Variants in NKAIN2 observed in about 807,000 individuals in gnomAD.
NKAIN2 encodes the protein sodium/potassium-transporting ATPase subunit beta-1-interacting protein 2.
Under a neutral mutation model 32.6 loss-of-function variants are expected in NKAIN2, and 14 were observed. The observed-to-expected ratio is 0.43, with a 90% confidence interval of 0.28 to 0.67. NKAIN2 has a LOEUF of 0.67. NKAIN2 is among the 30% of genes least tolerant of loss of function. The pLI, the probability that NKAIN2 is intolerant of heterozygous loss-of-function variation, is 0.17. For missense variants in NKAIN2, 198 were observed against 258.3 expected (o/e 0.77, Z 1.60); for synonymous variants, 80 against 87.2 (o/e 0.92, Z 0.46).
chr6:124,462,716 G>C (rs562794358), intron 3 of NKAIN2, among the ~76,000 whole-genome samples: 2 of 151,748 alleles, frequency 1.3e-5, no homozygotes, highest in African/African-American at 2.4e-5. Flanking sequence ...GCTTATTCAG[G>C]ACTCTAGAGA....
chr6:124,495,430 G>A (rs1287256747), intron 3 of NKAIN2, among the ~76,000 whole-genome samples: 1 of 151,790 alleles, frequency 6.6e-6, no homozygotes, highest in Non-Finnish European at 1.5e-5. Context: ...ACCATCCCAG[G>A]CCTAAGGGCA....
At chr6:124,018,832 C>T (rs1040614335) in intron 1 of NKAIN2, among the ~76,000 whole-genome samples, 2 of 152,106 alleles carry the variant, frequency 1.3e-5, no homozygotes, top group Non-Finnish European at 2.9e-5. Flanking sequence ...TCCAAAGTTG[C>T]TTCATATTTT....
intron 1 of NKAIN2, among the ~76,000 whole-genome samples, chr6:124,008,037 G>C (rs1780153024): frequency 6.6e-6 from 1 of 152,146 alleles, no homozygotes; most frequent in Admixed American, 6.5e-5. Context: ...GTCCTGTTTA[G>C]AGCCTACAGC....
At chr6:124,738,741 T>C (rs543837172) in intron 4 of NKAIN2, among the ~76,000 whole-genome samples, 2 of 151,942 alleles carry the variant, frequency 1.3e-5, no homozygotes, top group Admixed American at 1.3e-4. Flanking sequence ...GTTCTGAGAG[T>C]CATTTGGGGA....
chr6:124,253,573 TGTG>T lies in NKAIN2; in HGVS notation c.55-29428_55-29426del, dbSNP rs1329953038. Among the ~76,000 whole-genome samples, 10 of 152,332 alleles carry T rather than the reference TGTG, an allele frequency of 6.6e-5. No homozygotes were observed. In the South Asian group the frequency reaches 2.1e-3, roughly 32 times the overall value. On this transcript the variant is annotated intron_variant, in intron 1 of 6. Transcript: ENST00000368417. ...CCTAGTCCAATAGGACTCTCTTTCTTGTGGTGACATATGTGTGTGTAAGTGTTC... is the reference window on the plus strand; with the variant it reads ...CCTAGTCCAATAGGACTCTCTTTCTTGTGACATATGTGTGTGTAAGTGTTC...
chr6:124,511,041 C>T (rs1778691348), intron 3 of NKAIN2, among the ~76,000 whole-genome samples: 1 of 152,042 alleles, frequency 6.6e-6, no homozygotes, highest in Admixed American at 6.6e-5. Flanking sequence ...TAACTATGTG[C>T]TACCCAGGAC....
At chr6:124,449,066 A>G (rs1226889752) in intron 3 of NKAIN2, among the ~76,000 whole-genome samples, 1 of 152,138 alleles carries the variant, frequency 6.6e-6, no homozygotes, top group Non-Finnish European at 1.5e-5. Flanking sequence ...AGCCACACAA[A>G]CATATAGAGA....
intron 3 of NKAIN2, among the ~76,000 whole-genome samples, chr6:124,557,995 A>G (rs1475614732): frequency 6.6e-6 from 1 of 152,356 alleles, no homozygotes; most frequent in African/African-American, 2.4e-5. Context: ...GTATTACATG[A>G]TATACAATGC....
intron 3 of NKAIN2, among the ~76,000 whole-genome samples, chr6:124,583,913 A>G (rs1781614671): frequency 6.6e-6 from 1 of 152,232 alleles, no homozygotes; most frequent in African/African-American, 2.4e-5. Context: ...TCTTTGATAA[A>G]TGATGCTGGG....
chr6:124,679,241 C>A (rs1773506331), intron 4 of NKAIN2, among the ~76,000 whole-genome samples: 1 of 152,118 alleles, frequency 6.6e-6, no homozygotes, highest in Non-Finnish European at 1.5e-5. Flanking sequence ...GCCCATTCTA[C>A]CCTGAACCCG....
intron 3 of NKAIN2, among the ~76,000 whole-genome samples, chr6:124,592,992 C>T (rs1190935598): frequency 3.3e-5 from 5 of 152,294 alleles, no homozygotes; most frequent in Non-Finnish European, 5.9e-5. Flanking sequence ...TCATTGTAAT[C>T]TTCCCCCTAC....
rs564204245 is a variant in NKAIN2 at position 124,349,152 on chromosome 6, G to T, written c.193-6115G>T. On this transcript the variant is annotated intron_variant, in intron 2 of 6. Coordinates refer to ENST00000368417, the MANE Select transcript of NKAIN2 (RefSeq NM_001040214.3). ...TAGACACGTGGACATATTGTAGGGT[G>T]AGTAGGGCAGGGTTTATTGGGTGCA... Among the ~76,000 whole-genome samples, 4 of 152,246 alleles carry T rather than the reference G, an allele frequency of 2.6e-5. No individual in the cohort carries two copies. In the South Asian group the frequency reaches 6.2e-4, roughly 24 times the overall value.
intron 4 of NKAIN2, 157 bp downstream of exon 4, chr6:124,658,543 T>C (rs1479039): frequency 0.88 from 1,297,392 of 1,474,298 alleles, 571,556 homozygotes; most frequent in Admixed American, 0.92. Flanking sequence ...CAGGTTAAAC[T>C]AAACCATCCT....
Position 123,898,002 on chromosome 6 carries a change from A to T in NKAIN2, c.54+93748A>T, listed in dbSNP as rs186971932. Among the ~76,000 whole-genome samples, 18 of 152,300 alleles carry T rather than the reference A, an allele frequency of 1.2e-4. No individual in the cohort carries two copies. The East Asian group carries it at 2.9e-3, about 25-fold the overall frequency. On this transcript the variant is annotated intron_variant, in intron 1 of 6. Coordinates refer to ENST00000368417, the MANE Select transcript of NKAIN2 (RefSeq NM_001040214.3). ...CAAAATATCCTCACTTTTATCAATGATTTTCAGAGACTTCTTACTGCTCGT... is the reference window on the plus strand; with the variant it reads ...CAAAATATCCTCACTTTTATCAATGTTTTTCAGAGACTTCTTACTGCTCGT...
intron 1 of NKAIN2, among the ~76,000 whole-genome samples, chr6:124,017,502 C>T (rs1780635966): frequency 6.6e-6 from 1 of 152,106 alleles, no homozygotes; most frequent in South Asian, 2.1e-4. Context: ...TCCCTTCTGC[C>T]TATGAGCCTG....
At chr6:124,171,547 A>ATTTTTTTTTTTTTTTTTTTT (rs10665262) in intron 1 of NKAIN2, among the ~76,000 whole-genome samples, 1 of 96,470 alleles carries the variant, frequency 1.0e-5, no homozygotes, top group Non-Finnish European at 1.9e-5. Flanking sequence ...GGCCGATTTG[A>ATTTTTTTTTTTTTTTTTTTT]TTTTTTTTTT....
intron 1 of NKAIN2, among the ~76,000 whole-genome samples, chr6:124,260,000 G>A (rs1311689034): frequency 1.3e-5 from 2 of 152,126 alleles, no homozygotes; most frequent in East Asian, 3.8e-4. Flanking sequence ...CTTTGTTGAA[G>A]ATAATGAACT....
At chr6:123,875,692 C>G (rs1357774020) in intron 1 of NKAIN2, among the ~76,000 whole-genome samples, 2 of 151,982 alleles carry the variant, frequency 1.3e-5, no homozygotes, top group Non-Finnish European at 2.9e-5. Context: ...TCCCATATTT[C>G]AGTGCTTAGA....
chr6:124,437,485 C>CCCTT (rs1004018044), intron 3 of NKAIN2, among the ~76,000 whole-genome samples: 139 of 152,074 alleles, frequency 9.1e-4, no homozygotes, highest in African/African-American at 3.2e-3. Flanking sequence ...TTTTTTACTT[C>CCCTT]CCTTCCTTCC....
Sources: gnomAD v4.1 joint callset for allele counts (sites outside exome capture counted in the v4.1 genomes callset) on GRCh38, gnomAD v4.1.1 for gene constraint, MANE v1.5 for transcripts, NCBI Gene and HGNC (gene_info 2026-07-23, HGNC 2026-07-21) for gene names.